Variants in PLCH1 observed in about 807,000 individuals in gnomAD.
The protein encoded by PLCH1 is phospholipase C eta 1.
In PLCH1, 60 loss-of-function variants were observed where a neutral mutation model predicts 126.7. That is an observed-to-expected ratio of 0.47 (90% confidence interval 0.38 to 0.59). The LOEUF is 0.59. Ranked by LOEUF, PLCH1 falls within the 20% of genes least tolerant of loss-of-function variation. PLCH1 has a pLI of 0.00. For synonymous variants in PLCH1, 719 were observed against 734.9 expected (o/e 0.98, Z 0.35); for missense variants, 1,723 against 2,040.0 (o/e 0.84, Z 2.99).
At chr3:155,542,330 G>T (rs1215841802) in intron 10 of PLCH1, among the ~76,000 whole-genome samples, 2 of 152,242 alleles carry the variant, frequency 1.3e-5, no homozygotes, top group Admixed American at 6.5e-5. Context: ...GCGAGGCTGG[G>T]GGAGGGGAGC....
At chr3:155,741,900 G>C (rs1416885576) in intron 1 of PLCH1, among the ~76,000 whole-genome samples, 1 of 152,104 alleles carries the variant, frequency 6.6e-6, no homozygotes, top group African/African-American at 2.4e-5. Context: ...CACTTGCCAA[G>C]ACTACAAGTT....
At chr3:155,675,711 C>T (rs950804961) in intron 2 of PLCH1, among the ~76,000 whole-genome samples, 14 of 152,086 alleles carry the variant, frequency 9.2e-5, no homozygotes, top group African/African-American at 3.4e-4. Context: ...TGACTTATAA[C>T]CTAAGAATAC....
intron 1 of PLCH1, chr3:155,743,876 A>C (rs1749796879): frequency 5.6e-6 from 1 of 178,066 alleles, no homozygotes; most frequent in Non-Finnish European, 1.2e-5. Flanking sequence ...ACTCCTTACC[A>C]GGAAGTAAAT....
rs539806608 is a variant in PLCH1 at position 155,587,877 on chromosome 3, G to T, written c.471-1683C>A. 2.6e-5 allele frequency among the ~76,000 whole-genome samples: 4 copies of T among 152,250 alleles called. No individual in the cohort carries two copies. In the East Asian group the frequency reaches 7.7e-4, roughly 29 times the overall value. On this transcript the variant is annotated intron_variant, in intron 4 of 22. Coordinates refer to ENST00000460012, the MANE Select transcript of PLCH1 (RefSeq NM_014996.4). ...GTAGGTTACAAAAGGCAAGTACTGCGTGCATATTTAGAAAACCAATTAAAC... is the reference window on the plus strand; with the variant it reads ...GTAGGTTACAAAAGGCAAGTACTGCTTGCATATTTAGAAAACCAATTAAAC...
chr3:155,657,294 G>A (rs1019115280), intron 2 of PLCH1, among the ~76,000 whole-genome samples: 3 of 152,124 alleles, frequency 2.0e-5, no homozygotes, highest in African/African-American at 7.2e-5. Flanking sequence ...CTTACTGCCT[G>A]GAGAGATTTT....
At chr3:155,555,961 A>G (rs1166498867) in intron 8 of PLCH1, among the ~76,000 whole-genome samples, 1 of 152,200 alleles carries the variant, frequency 6.6e-6, no homozygotes, top group East Asian at 1.9e-4. Context: ...ACTAAGTAGG[A>G]ATGAGAACCT....
intron 2 of PLCH1, among the ~76,000 whole-genome samples, chr3:155,679,824 G>T (rs1425341078): frequency 6.6e-6 from 1 of 152,116 alleles, no homozygotes; most frequent in Non-Finnish European, 1.5e-5. Context: ...CATTTTAAAG[G>T]TAAGAAAACT....
intron 5 of PLCH1, among the ~76,000 whole-genome samples, chr3:155,583,901 A>T (rs1731029985): frequency 6.7e-6 from 1 of 150,014 alleles, no homozygotes; most frequent in Non-Finnish European, 1.5e-5. Flanking sequence ...TTTATAAATC[A>T]ACAAAGAAAC....
chr3:155,650,753 A>C (rs952291213), intron 2 of PLCH1, among the ~76,000 whole-genome samples: 2 of 152,228 alleles, frequency 1.3e-5, no homozygotes, highest in Admixed American at 1.3e-4. Flanking sequence ...TAAACATGAA[A>C]AGATGCTCAA....
chr3:155,717,298 G>T (rs951574242), intron 1 of PLCH1, among the ~76,000 whole-genome samples: 3 of 152,220 alleles, frequency 2.0e-5, no homozygotes, highest in Admixed American at 1.3e-4. Flanking sequence ...TACCATTCTG[G>T]GGTCTGGAAG....
chr3:155,610,047 C>A (rs958448643), intron 2 of PLCH1, among the ~76,000 whole-genome samples: 1 of 152,010 alleles, frequency 6.6e-6, no homozygotes, highest in African/African-American at 2.4e-5. Flanking sequence ...TCAAAGAACA[C>A]CCAGGAAATT....
At chr3:155,651,691 C>G (rs1740732683) in intron 2 of PLCH1, among the ~76,000 whole-genome samples, 2 of 152,126 alleles carry the variant, frequency 1.3e-5, no homozygotes, top group South Asian at 2.1e-4. Flanking sequence ...TACTTTGTTT[C>G]CAGATAGCTT....
intron 2 of PLCH1, among the ~76,000 whole-genome samples, chr3:155,626,600 T>G (rs1396877674): frequency 1.3e-5 from 2 of 151,418 alleles, no homozygotes; most frequent in African/African-American, 4.8e-5. Flanking sequence ...AGACCCCATC[T>G]CTACTAAAAA....
At chr3:155,470,406 C>A (rs997265002) in intron 21 of PLCH1, among the ~76,000 whole-genome samples, 10 of 152,066 alleles carry the variant, frequency 6.6e-5, no homozygotes, top group African/African-American at 1.9e-4. Flanking sequence ...AGTAAAGCCT[C>A]CAAGAAATAT....
In PLCH1 at chr3:155,488,739, C is replaced by T. The variant is rs764681438; in HGVS notation, c.2460G>A (p.Arg820=). Residue 820 remains arginine, a synonymous_variant, in exon 20 of 23, where the codon CGG becomes CGA. Transcript: ENST00000460012. ...TGGGATCGTGATCCCACACAAGGAA[C>T]CGAACCAAAGCTATTTCTGGCATGT... ...TVHMPEIALV[R]FLVWDHDPIG... is the part of the protein sequence containing the mutation. 8.7e-6 allele frequency: 14 copies of T among 1,613,902 alleles called. No homozygotes were observed. The highest frequency in any genetic ancestry group is 1.6e-4 in the Middle Eastern group (1 of 6,062).
At chr3:155,679,670 C>T (rs1383225671) in intron 2 of PLCH1, among the ~76,000 whole-genome samples, 2 of 152,182 alleles carry the variant, frequency 1.3e-5, no homozygotes, top group Non-Finnish European at 2.9e-5. Context: ...CAAGTCCAAT[C>T]AGAAAACCTA....
chr3:155,680,558 A>C (rs1744432327), intron 2 of PLCH1, among the ~76,000 whole-genome samples: 1 of 152,142 alleles, frequency 6.6e-6, no homozygotes, highest in Admixed American at 6.5e-5. Flanking sequence ...AGGTACCTCA[A>C]TTAAGGGGAG....
intron 2 of PLCH1, among the ~76,000 whole-genome samples, chr3:155,652,485 C>T (rs1200979264): frequency 6.6e-6 from 1 of 151,952 alleles, no homozygotes; most frequent in Non-Finnish European, 1.5e-5. Context: ...TGTTTTTTTG[C>T]GTGTGTGTGT....
At chr3:155,497,272 G>A in intron 15 of PLCH1, 48 bp downstream of exon 15, 1 of 1,259,904 alleles carries the variant, frequency 7.9e-7, no homozygotes, top group Non-Finnish European at 1.2e-6. Flanking sequence ...AAAAAGAAAG[G>A]TCAAGAATGT....
Sources: allele counts gnomAD v4.1 joint callset (sites outside exome capture counted in the v4.1 genomes callset), GRCh38; gene constraint gnomAD v4.1.1; transcripts MANE v1.5; gene names NCBI Gene and HGNC (gene_info 2026-07-23, HGNC 2026-07-21).